ARHGAP24: variants seen among roughly 807,000 people sequenced by gnomAD.
ARHGAP24 encodes the protein Rho GTPase activating protein 24, also known as rho GTPase-activating protein 24.
Under a neutral mutation model 76.4 loss-of-function variants are expected in ARHGAP24, and 50 were observed. That is an observed-to-expected ratio of 0.65 (90% CI 0.52 to 0.83). The LOEUF (loss-of-function observed/expected upper bound fraction) is 0.83, where lower values mean the gene tolerates loss of function less well. Among genes scored for constraint, ARHGAP24 ranks in the 40% least tolerant of loss-of-function variants. ARHGAP24 has a pLI of 0.00. For missense variants in ARHGAP24, 930 were observed against 914.2 expected, an observed-to-expected ratio of 1.02 and a Z score of -0.22; for synonymous variants, 345 against 323.3, an observed-to-expected ratio of 1.07 and a Z score of -0.72.
intron 3 of ARHGAP24, among the ~76,000 whole-genome samples, chr4:85,787,556 C>A (rs563154649): frequency 1.3e-5 from 2 of 152,266 alleles, no homozygotes; most frequent in South Asian, 4.1e-4. Context: ...TTTGTAACAG[C>A]TTTTGAGTTT....
At chr4:85,737,905 T>C (rs1725662144) in intron 3 of ARHGAP24, among the ~76,000 whole-genome samples, 1 of 152,182 alleles carries the variant, frequency 6.6e-6, no homozygotes, top group Non-Finnish European at 1.5e-5. Flanking sequence ...TTAAATTTTC[T>C]TGATTTTGTC....
intron 3 of ARHGAP24, among the ~76,000 whole-genome samples, chr4:85,757,236 A>G (rs1726542222): frequency 8.6e-6 from 1 of 116,014 alleles, no homozygotes. Flanking sequence ...TTTTTAATTA[A>G]ACTAAGTTCT....
intron 3 of ARHGAP24, among the ~76,000 whole-genome samples, chr4:85,806,868 A>G (rs942339584): frequency 6.6e-6 from 1 of 152,138 alleles, no homozygotes; most frequent in East Asian, 1.9e-4. Flanking sequence ...TTTTATTTAC[A>G]TCAGTCTGAA....
chr4:85,543,793 T>C (rs62315600), intron 1 of ARHGAP24, among the ~76,000 whole-genome samples: 77,846 of 152,058 alleles, frequency 0.51, 21,852 homozygotes, highest in Middle Eastern at 0.67. Flanking sequence ...CCTTAAAATA[T>C]GTTTTATTTT....
intron 2 of ARHGAP24, among the ~76,000 whole-genome samples, chr4:85,715,856 G>A (rs535438174): frequency 6.6e-6 from 1 of 151,948 alleles, no homozygotes; most frequent in African/African-American, 2.4e-5. Flanking sequence ...CAGGGCCTCA[G>A]ACTTGCTACA....
chr4:85,548,945 C>T (rs189634239), intron 1 of ARHGAP24, among the ~76,000 whole-genome samples: 1 of 152,182 alleles, frequency 6.6e-6, no homozygotes, highest in Admixed American at 6.5e-5. Context: ...GCTTCTTTCA[C>T]TCATTATAAT....
intron 1 of ARHGAP24, among the ~76,000 whole-genome samples, chr4:85,498,874 A>C (rs763395726): frequency 6.6e-6 from 1 of 152,250 alleles, no homozygotes; most frequent in Non-Finnish European, 1.5e-5. Context: ...AGTTCCCTCT[A>C]AAAGGAAAGG....
chr4:85,643,505 G>A (rs1003917164), intron 2 of ARHGAP24, among the ~76,000 whole-genome samples: 5 of 77,512 alleles, frequency 6.5e-5, no homozygotes, highest in African/African-American at 1.1e-4. Flanking sequence ...TGATCCACCC[G>A]CCTCGGCCTC....
intron 2 of ARHGAP24, among the ~76,000 whole-genome samples, chr4:85,614,693 T>C (rs1030882759): frequency 1.4e-4 from 21 of 152,142 alleles, no homozygotes; most frequent in Non-Finnish European, 2.5e-4. Flanking sequence ...CCATCTTAAT[T>C]AGTAATCAGT....
chr4:85,679,404 C>T lies in ARHGAP24; in HGVS notation c.181-42481C>T, dbSNP rs532447642. 2.5e-4 allele frequency among the ~76,000 whole-genome samples: 38 copies of T among 152,210 alleles called. No individual in the cohort carries two copies. In the South Asian group the frequency reaches 7.5e-3, roughly 30 times the overall value. On this transcript the variant is annotated intron_variant, in intron 2 of 9. Coordinates refer to ENST00000395184, the MANE Select transcript of ARHGAP24 (RefSeq NM_001025616.3). ...CTTCTGTTTGGGCCCTCTGAACAGC[C>T]GTGCCAAAATGTATTGAGGAAGTGT...
intron 4 of ARHGAP24, among the ~76,000 whole-genome samples, chr4:85,939,459 C>T (rs1185265440): frequency 6.6e-6 from 1 of 152,100 alleles, no homozygotes; most frequent in South Asian, 2.1e-4. Context: ...TCTCTCTGAG[C>T]CCCAATTTTC....
chr4:85,774,997 T>C, intron 3 of ARHGAP24, among the ~76,000 whole-genome samples: 1 of 152,282 alleles, frequency 6.6e-6, no homozygotes, highest in South Asian at 2.1e-4. Context: ...TATTTATATA[T>C]CGTGATATCT....
At chr4:85,875,058 TTTGTTTTA>T (rs1398684075) in intron 3 of ARHGAP24, among the ~76,000 whole-genome samples, 1 of 1,770 alleles carries the variant, frequency 5.6e-4, no homozygotes, top group African/African-American at 1.3e-3. Context: ...ATATAATATA[TTTGTTTTA>T]TATATTATAT....
chr4:85,762,791 G>A (rs1726780060), intron 3 of ARHGAP24, among the ~76,000 whole-genome samples: 1 of 152,070 alleles, frequency 6.6e-6, no homozygotes, highest in African/African-American at 2.4e-5. Context: ...ATTCTCTCCT[G>A]TGCCTAAAAT....
intron 3 of ARHGAP24, among the ~76,000 whole-genome samples, chr4:85,774,701 C>T (rs1727247303): frequency 6.6e-6 from 1 of 152,134 alleles, no homozygotes; most frequent in East Asian, 1.9e-4. Flanking sequence ...GTAGATACAA[C>T]TACTTAGGGC....
At chr4:85,603,532 G>A (rs1720102722) in intron 2 of ARHGAP24, among the ~76,000 whole-genome samples, 2 of 152,064 alleles carry the variant, frequency 1.3e-5, no homozygotes, top group South Asian at 4.2e-4. Flanking sequence ...ATGTGTAAAG[G>A]AAACTAGTTA....
At chr4:85,800,891 T>C (rs1421266887) in intron 3 of ARHGAP24, among the ~76,000 whole-genome samples, 2 of 152,234 alleles carry the variant, frequency 1.3e-5, no homozygotes, top group Non-Finnish European at 2.9e-5. Flanking sequence ...CTATTTTCAG[T>C]TGAAAGTTCT....
intron 3 of ARHGAP24, among the ~76,000 whole-genome samples, chr4:85,746,272 C>G (rs767014149): frequency 6.6e-6 from 1 of 152,178 alleles, no homozygotes; most frequent in African/African-American, 2.4e-5. Context: ...TGTTAAGAAT[C>G]ATTTAGTGTT....
intron 7 of ARHGAP24, among the ~76,000 whole-genome samples, chr4:85,976,806 G>A (rs193292498): frequency 2.7e-4 from 38 of 142,126 alleles, no homozygotes; most frequent in East Asian, 1.6e-3. Context: ...TTCCGAGACC[G>A]AGTTTCACTC....
Sources: gnomAD v4.1 joint callset for allele counts (sites outside exome capture counted in the v4.1 genomes callset) on GRCh38, gnomAD v4.1.1 for gene constraint, MANE v1.5 for transcripts, NCBI Gene and HGNC (gene_info 2026-07-23, HGNC 2026-07-21) for gene names.